Variants in RB1 observed in about 807,000 individuals in gnomAD.
RB1 encodes the protein retinoblastoma-associated protein.
In RB1, 18 loss-of-function variants were observed where a neutral mutation model predicts 135.4. The observed-to-expected ratio is 0.13, with a 90% CI of 0.09 to 0.20. The LOEUF is 0.20. RB1 is among the 10% of genes least tolerant of loss of function. RB1 has a pLI of 1.00. For synonymous variants in RB1, 365 were observed against 373.2 expected (o/e 0.98, Z 0.25); for missense variants, 868 against 1,110.0 (o/e 0.78, Z 3.10).
At chr13:48,428,695 T>C (rs934991938) in intron 17 of RB1, among the ~76,000 whole-genome samples, 1 of 152,250 alleles carries the variant, frequency 6.6e-6, no homozygotes, top group Non-Finnish European at 1.5e-5. Context: ...TAAAATCGTA[T>C]GATGACCATC....
At chr13:48,365,925 T>G (rs908200750) in intron 9 of RB1, among the ~76,000 whole-genome samples, 1 of 152,126 alleles carries the variant, frequency 6.6e-6, no homozygotes. Flanking sequence ...AGCTACCTAA[T>G]CCAAACTAGG....
At chr13:48,440,940 G>A (rs1949230905) in intron 17 of RB1, among the ~76,000 whole-genome samples, 3 of 152,160 alleles carry the variant, frequency 2.0e-5, no homozygotes, top group African/African-American at 7.2e-5. Flanking sequence ...TAATTAAAAT[G>A]TAGGGAAGAA....
chr13:48,319,307 G>C lies in RB1; in HGVS notation c.264+11901G>C. The C allele has an allele frequency of 4.7e-6, 3 of 641,030 alleles. No homozygotes were observed. Among genetic ancestry groups the C allele is most frequent in the Non-Finnish European group, 7.7e-6 (3 of 387,746 alleles). The allele number at this position is 641,030 out of a possible 1,614,324, so 39.7% of individuals were successfully genotyped here. A position where few individuals can be genotyped will look rare whatever the true frequency, so the allele number is the denominator to read the frequency against. ...GGGTCAGGCGTCCTCTCTCCTCCCG[G>C]CGCTGGGCCCTCTGGGGCAGGTCCC... On this transcript the variant is annotated intron_variant, in intron 2 of 26. Coordinates refer to ENST00000267163, the MANE Select transcript of RB1 (RefSeq NM_000321.3). The surrounding 1 kb of genome is among the most constrained non-coding windows in gnomAD (Gnocchi z 5.0).
At chr13:48,306,714 A>G (rs988686255) in intron 1 of RB1, among the ~76,000 whole-genome samples, 12 of 152,230 alleles carry the variant, frequency 7.9e-5, no homozygotes, top group African/African-American at 2.9e-4. Context: ...TCTTCATACT[A>G]TTCTTATTAG....
At chr13:48,344,228 G>T (rs1321564291) in intron 3 of RB1, among the ~76,000 whole-genome samples, 1 of 152,164 alleles carries the variant, frequency 6.6e-6, no homozygotes, top group East Asian at 1.9e-4. Flanking sequence ...TATTTAAACT[G>T]CTTAAATTAT....
At chr13:48,368,007 A>T (rs4151504) in intron 10 of RB1, among the ~76,000 whole-genome samples, 1,640 of 152,298 alleles carry the variant, frequency 0.011, 31 homozygotes, top group African/African-American at 0.037. Flanking sequence ...GAAACCTAAA[A>T]TTGGAATGGT....
chr13:48,373,225 T>G (rs973783805), intron 11 of RB1, among the ~76,000 whole-genome samples, 180 bp from the exon 12 acceptor site: 1 of 152,198 alleles, frequency 6.6e-6, no homozygotes, highest in African/African-American at 2.4e-5. Flanking sequence ...ACATATTTTC[T>G]TAAAGATTTA....
At position 48,459,762 on chromosome 13, in the gene RB1, A is replaced by G. The variant is rs897199998; in HGVS notation, c.2035A>G (p.Ile679Val). Reference sequence around the variant, plus strand: ...GTCTGAGCACCCAGAATTAGAACATATCATCTGGACCCTTTTCCAGCACAC... The same window carrying G: ...GTCTGAGCACCCAGAATTAGAACATGTCATCTGGACCCTTTTCCAGCACAC... ...LLSEHPELEH[I>V]IWTLFQHTLQ... Residue 679 changes from isoleucine to valine, a missense_variant, in exon 20 of 27, where the codon ATC (isoleucine) becomes GTC (valine). By Grantham distance (29) the Ile-to-Val change is conservative. This residue lies in a region of RB1 where 31 missense variants were observed against 78.9 expected (regional missense o/e 0.39). Coordinates refer to ENST00000267163, the MANE Select transcript of RB1 (RefSeq NM_000321.3). 5.6e-6 allele frequency: 9 copies of G among 1,613,798 alleles called. No homozygotes were observed. The highest frequency in any genetic ancestry group is 7.6e-6 in the Non-Finnish European group (9 of 1,179,792).
At chr13:48,380,851 A>G (rs578172856) in intron 16 of RB1, among the ~76,000 whole-genome samples, 2 of 152,272 alleles carry the variant, frequency 1.3e-5, no homozygotes, top group South Asian at 2.1e-4. Context: ...CAAGAAATGC[A>G]TATTTTAATG....
chr13:48,346,372 G>A (rs573514079), intron 4 of RB1, among the ~76,000 whole-genome samples: 30 of 2,018 alleles, frequency 0.015, no homozygotes, highest in Middle Eastern at 0.083. Flanking sequence ...TTATATATAT[G>A]TGTGTGTGTG....
chr13:48,440,363 C>G (rs909498890), intron 17 of RB1, among the ~76,000 whole-genome samples: 1 of 152,126 alleles, frequency 6.6e-6, no homozygotes, highest in African/African-American at 2.4e-5. Flanking sequence ...AGGAGGGAGG[C>G]TAGAGTTGAT....
At chr13:48,429,222 G>C (rs999765133) in intron 17 of RB1, 1 of 152,186 alleles carries the variant, frequency 6.6e-6, no homozygotes, top group African/African-American at 2.4e-5. Context: ...TGTAGACTTA[G>C]ATGTAGAAAA....
At chr13:48,330,453 A>C (rs999805711) in intron 2 of RB1, among the ~76,000 whole-genome samples, 2 of 152,190 alleles carry the variant, frequency 1.3e-5, no homozygotes, top group Non-Finnish European at 1.5e-5. Context: ...GATTCAAATA[A>C]ATAAAATCAG....
chr13:48,413,767 A>G (rs1948859076), intron 17 of RB1, among the ~76,000 whole-genome samples: 1 of 152,178 alleles, frequency 6.6e-6, no homozygotes, highest in Non-Finnish European at 1.5e-5. Flanking sequence ...AACAAACTCA[A>G]GAATGTTTAT....
rs995134811 is a variant in RB1, at chr13:48,327,050, A to G, written c.265-15549A>G. On this transcript the variant is annotated intron_variant, in intron 2 of 26. Coordinates refer to ENST00000267163, the MANE Select transcript of RB1 (RefSeq NM_000321.3). ...AATATGTATACATTTAAAATAAACC[A>G]TATAATTTTACTAGTAAGAAAGCCA... 2.6e-5 allele frequency among the ~76,000 whole-genome samples: 4 copies of G among 152,112 alleles called. No homozygotes were observed. In the East Asian group the frequency reaches 5.8e-4, roughly 22 times the overall value.
intron 17 of RB1, among the ~76,000 whole-genome samples, chr13:48,440,569 G>A (rs551734142): frequency 6.6e-6 from 1 of 152,074 alleles, no homozygotes; most frequent in South Asian, 2.1e-4. Flanking sequence ...ATAAAGATTG[G>A]GGTAAGGCGA....
At chr13:48,338,361 G>T (rs1246891938) in intron 2 of RB1, among the ~76,000 whole-genome samples, 1 of 152,186 alleles carries the variant, frequency 6.6e-6, no homozygotes, top group Non-Finnish European at 1.5e-5. Context: ...GGTATTTCTT[G>T]TAGGCTTTAT....
chr13:48,343,281 G>A (rs1952463271), intron 3 of RB1, among the ~76,000 whole-genome samples: 1 of 152,014 alleles, frequency 6.6e-6, no homozygotes, highest in African/African-American at 2.4e-5. Flanking sequence ...TTTATCTTCA[G>A]AAAGTATCCA....
intron 26 of RB1, among the ~76,000 whole-genome samples, chr13:48,479,239 A>T (rs74321296): frequency 6.6e-6 from 1 of 152,090 alleles, no homozygotes; most frequent in African/African-American, 2.4e-5. Flanking sequence ...AAAAAAAAAA[A>T]TCCATGCCCA....
Sources: gnomAD v4.1 joint callset for allele counts (sites outside exome capture counted in the v4.1 genomes callset) on GRCh38, gnomAD v4.1.1 for gene constraint, gnomAD v4.1.1 regional missense constraint, Gnocchi (gnomAD v3.1) non-coding constraint, MANE v1.5 for transcripts, NCBI Gene and HGNC (gene_info 2026-07-23, HGNC 2026-07-21) for gene names.